NAA15: variants seen among roughly 807,000 people sequenced by gnomAD.
NAA15 encodes the protein N-terminal acetyltransferase.
A neutral mutation model predicts 114.0 loss-of-function variants in NAA15; 34 were observed. That is an observed-to-expected ratio of 0.30 (90% CI 0.23 to 0.40). The LOEUF is 0.40. Ranked by LOEUF, NAA15 falls within the 10% of genes least tolerant of loss-of-function variation. The pLI, the probability that NAA15 is intolerant of heterozygous loss-of-function variation, is 1.00. For synonymous variants in NAA15, 340 were observed against 338.0 expected (o/e 1.01, Z -0.06); for missense variants, 658 against 1,004.5 (o/e 0.66, Z 4.66).
At chr4:139,327,390 C>T (rs867470240) in intron 1 of NAA15, among the ~76,000 whole-genome samples, 1 of 152,166 alleles carries the variant, frequency 6.6e-6, no homozygotes, top group Non-Finnish European at 1.5e-5. Context: ...GCTGGGACTA[C>T]AGGCGTGCGC....
chr4:139,368,171 C>T (rs949848637), intron 14 of NAA15, among the ~76,000 whole-genome samples: 1 of 152,206 alleles, frequency 6.6e-6, no homozygotes, highest in African/African-American at 2.4e-5. Flanking sequence ...TACTCAAAAA[C>T]ATAGCAGCTT....
At chr4:139,376,634 A>G (rs1466644950) in intron 16 of NAA15, among the ~76,000 whole-genome samples, 161 bp downstream of exon 16, 1 of 152,250 alleles carries the variant, frequency 6.6e-6, no homozygotes, top group East Asian at 1.9e-4. Flanking sequence ...GTAGGGAGAT[A>G]TAATGATATA....
chr4:139,315,208 AC>A (rs1290448803), intron 1 of NAA15, among the ~76,000 whole-genome samples: 1 of 151,638 alleles, frequency 6.6e-6, no homozygotes, highest in Non-Finnish European at 1.5e-5. Context: ...TCTGTGGGAG[AC>A]CAAGTGACAT....
At chr4:139,347,602 A>T (rs1747626908) in intron 6 of NAA15, among the ~76,000 whole-genome samples, 1 of 152,226 alleles carries the variant, frequency 6.6e-6, no homozygotes, top group Non-Finnish European at 1.5e-5. Context: ...GGATTGCACC[A>T]CTGCATTCCA....
rs191540915 is a variant in NAA15, at chr4:139,364,474, T to G, written c.1753+2537T>G. On this transcript the variant is annotated intron_variant, in intron 14 of 19. Transcript: ENST00000296543. Reference sequence around the variant, plus strand: ...GTAAGGTGGAGGGTGGCTTTCCACCTCCCTTCCTCCCCAAAATAGACTGCT... The same window carrying G: ...GTAAGGTGGAGGGTGGCTTTCCACCGCCCTTCCTCCCCAAAATAGACTGCT... Among the ~76,000 whole-genome samples the G allele has an allele frequency of 5.9e-5, 9 of 152,334 alleles. No individual in the cohort carries two copies. The East Asian group carries it at 1.7e-3, about 29-fold the overall frequency.
At chr4:139,328,723 A>T (rs1219438852) in intron 1 of NAA15, among the ~76,000 whole-genome samples, 1 of 151,006 alleles carries the variant, frequency 6.6e-6, no homozygotes, top group Non-Finnish European at 1.5e-5. Flanking sequence ...ACGTGCCACC[A>T]CACCCAGCTA....
chr4:139,348,404 G>A (rs1387004461), intron 6 of NAA15, among the ~76,000 whole-genome samples: 17 of 148,564 alleles, frequency 1.1e-4, no homozygotes, highest in Middle Eastern at 3.3e-3. Flanking sequence ...AGCCATGATC[G>A]ATCGCACCAC....
At chr4:139,313,074 G>T (rs1361924917) in intron 1 of NAA15, among the ~76,000 whole-genome samples, 1 of 151,794 alleles carries the variant, frequency 6.6e-6, no homozygotes, top group African/African-American at 2.4e-5. Flanking sequence ...TTTTATTACA[G>T]AGGAGATTAT....
intron 1 of NAA15, among the ~76,000 whole-genome samples, chr4:139,307,455 C>T (rs1345447361): frequency 3.3e-5 from 5 of 152,060 alleles, no homozygotes; most frequent in African/African-American, 7.2e-5. Context: ...TTGGTAGAGA[C>T]GGGGTTTCGC....
At chr4:139,374,085 G>A (rs1252127349) in intron 15 of NAA15, among the ~76,000 whole-genome samples, 1 of 152,054 alleles carries the variant, frequency 6.6e-6, no homozygotes, top group African/African-American at 2.4e-5. Flanking sequence ...TCTTTAAAAA[G>A]TTGTATCATT....
At chr4:139,348,038 CAA>C (rs59533947) in intron 6 of NAA15, among the ~76,000 whole-genome samples, 24 of 62,736 alleles carry the variant, frequency 3.8e-4, no homozygotes, top group Middle Eastern at 0.01. Context: ...GACTCCGTCT[CAA>C]AAAAAAAAAA....
chr4:139,324,680 C>T (rs572726796), intron 1 of NAA15, among the ~76,000 whole-genome samples: 1 of 152,296 alleles, frequency 6.6e-6, no homozygotes, highest in South Asian at 2.1e-4. Flanking sequence ...GCCTGTAATC[C>T]CAGCACTTCA....
intron 14 of NAA15, among the ~76,000 whole-genome samples, chr4:139,363,385 A>T (rs752112245): frequency 6.6e-6 from 1 of 152,148 alleles, no homozygotes; most frequent in Non-Finnish European, 1.5e-5. Flanking sequence ...TTTATGCACA[A>T]CTAGTTTCCA....
chr4:139,315,534 A>G (rs1277829344), intron 1 of NAA15, among the ~76,000 whole-genome samples: 4 of 151,798 alleles, frequency 2.6e-5, no homozygotes, highest in Non-Finnish European at 4.4e-5. Flanking sequence ...AACAATAACA[A>G]CAACAACAAC....
chr4:139,306,189 T>C (rs545436701), intron 1 of NAA15, among the ~76,000 whole-genome samples: 34 of 152,314 alleles, frequency 2.2e-4, no homozygotes, highest in African/African-American at 7.9e-4. Flanking sequence ...ATAATTTGTC[T>C]AGAAAAAGGA....
rs773285130 is a variant in NAA15 at position 139,315,006 on chromosome 4, T to TTTAGTTTAGTTTAGGTTAGG, written c.54+13179_54+13180insTTTAGTTTAGGTTAGGTTAG. 1.1e-3 allele frequency among the ~76,000 whole-genome samples: 113 copies of TTTAGTTTAGTTTAGGTTAGG among 101,540 alleles called. 2 individuals are homozygous for TTTAGTTTAGTTTAGGTTAGG. The South Asian group carries it at 0.021, about 19-fold the overall frequency. The allele number at this position is 101,540 out of a possible 152,430, so 66.6% of individuals were successfully genotyped here. A position where few individuals can be genotyped will look rare whatever the true frequency, so the allele number is the denominator to read the frequency against. ...AAGCGTTCAGTTCAGTTCAGTTTAG[T>TTTAGTTTAGTTTAGGTTAGG]TTAGGTTAGGTTAGGTTAGGTTAGG... On this transcript the variant is annotated intron_variant, in intron 1 of 19. Coordinates refer to ENST00000296543, the MANE Select transcript of NAA15 (RefSeq NM_057175.5).
intron 3 of NAA15, among the ~76,000 whole-genome samples, chr4:139,340,350 C>T (rs186436276): frequency 3.9e-5 from 6 of 152,130 alleles, no homozygotes; most frequent in South Asian, 2.1e-4. Context: ...TTAATAATTA[C>T]GGTTAAATGA....
intron 1 of NAA15, among the ~76,000 whole-genome samples, chr4:139,311,499 G>A (rs1746223393): frequency 6.6e-6 from 1 of 151,834 alleles, no homozygotes; most frequent in Admixed American, 6.6e-5. Flanking sequence ...CCTATATTAT[G>A]GTAAGACTTT....
At chr4:139,350,110 A>G (rs1560969422) in intron 7 of NAA15, among the ~76,000 whole-genome samples, 1 of 152,190 alleles carries the variant, frequency 6.6e-6, no homozygotes, top group Non-Finnish European at 1.5e-5. Context: ...TTTAGAGACA[A>G]CTTTAGAAAA....
Sources: allele counts gnomAD v4.1 joint callset (sites outside exome capture counted in the v4.1 genomes callset), GRCh38; gene constraint gnomAD v4.1.1; transcripts MANE v1.5; gene names NCBI Gene and HGNC (gene_info 2026-07-23, HGNC 2026-07-21).